The following NKAIN2 variants were observed in gnomAD, a reference collection of about 807,000 sequenced individuals.
The protein encoded by NKAIN2 is sodium/potassium transporting ATPase interacting 2, also known as sodium/potassium-transporting ATPase subunit beta-1-interacting protein 2.
NKAIN2 carries 14 observed loss-of-function variants against 32.6 expected under a neutral mutation model. The observed-to-expected ratio is 0.43, with a 90% CI of 0.28 to 0.67. NKAIN2 has a LOEUF of 0.67. NKAIN2 is among the 30% of genes least tolerant of loss of function. The pLI is 0.17. For missense variants in NKAIN2, 198 were observed against 258.3 expected (o/e 0.77, Z 1.60); for synonymous variants, 80 against 87.2 (o/e 0.92, Z 0.46).
At chr6:124,067,790 G>A (rs1353407133) in intron 1 of NKAIN2, among the ~76,000 whole-genome samples, 1 of 152,144 alleles carries the variant, frequency 6.6e-6, no homozygotes, top group Non-Finnish European at 1.5e-5. Flanking sequence ...CAAGAATGAT[G>A]ACTTCACAGG....
At chr6:124,220,468 T>G (rs199517507) in intron 1 of NKAIN2, among the ~76,000 whole-genome samples, 2 of 140,550 alleles carry the variant, frequency 1.4e-5, no homozygotes, top group East Asian at 2.1e-4. Context: ...TCCCTTTTTT[T>G]GGGGCCATTT....
intron 3 of NKAIN2, among the ~76,000 whole-genome samples, chr6:124,382,293 T>C (rs1772680682): frequency 1.3e-5 from 2 of 151,646 alleles, no homozygotes; most frequent in Non-Finnish European, 2.9e-5. Context: ...AAAGGAGAAA[T>C]TGATTTATGA....
At chr6:124,718,560 C>T (rs1458205315) in intron 4 of NKAIN2, among the ~76,000 whole-genome samples, 1 of 152,030 alleles carries the variant, frequency 6.6e-6, no homozygotes, top group Non-Finnish European at 1.5e-5. Context: ...ACTTTTTGTT[C>T]ATTGTCTTTT....
intron 4 of NKAIN2, among the ~76,000 whole-genome samples, chr6:124,737,481 G>A (rs1246676180): frequency 6.6e-6 from 1 of 151,772 alleles, no homozygotes; most frequent in African/African-American, 2.4e-5. Context: ...AAACTACCCA[G>A]TCTTGACTAT....
At position 123,803,894 on chromosome 6, in the gene NKAIN2, G is replaced by GGCTGCCGCT. The variant is rs1435285968; in HGVS notation, c.-300_-292dup. Among the ~76,000 whole-genome samples the GGCTGCCGCT allele has an allele frequency of 1.3e-5, 2 of 148,212 alleles. No homozygotes were observed. The highest frequency in any genetic ancestry group is 1.5e-5 in the Non-Finnish European group (1 of 66,564). ...GCCCGAGGGCGCGGCGGCGCTGCCAGGCTGCCGCTGCTGCCCCTGCGGGCC... is the reference window on the plus strand; with the variant it reads ...GCCCGAGGGCGCGGCGGCGCTGCCAGGCTGCCGCTGCTGCCGCTGCTGCCCCTGCGGGCC... On this transcript the variant is annotated 5_prime_UTR_variant, in exon 1 of 7. Coordinates refer to ENST00000368417, the MANE Select transcript of NKAIN2 (RefSeq NM_001040214.3).
At chr6:124,155,213 T>C (rs802260) in intron 1 of NKAIN2, among the ~76,000 whole-genome samples, 132,167 of 152,140 alleles carry the variant, frequency 0.87, 57,701 homozygotes, top group South Asian at 0.94. Context: ...TACAAAATTA[T>C]ATCTAGATGG....
At chr6:124,509,014 G>T (rs908143955) in intron 3 of NKAIN2, among the ~76,000 whole-genome samples, 1 of 152,184 alleles carries the variant, frequency 6.6e-6, no homozygotes, top group South Asian at 2.1e-4. Flanking sequence ...TATAAATAAG[G>T]TTACATTATG....
chr6:124,629,011 G>A (rs909230929), intron 3 of NKAIN2, among the ~76,000 whole-genome samples: 3 of 152,046 alleles, frequency 2.0e-5, no homozygotes, highest in Admixed American at 6.6e-5. Flanking sequence ...GTGCCCAGTC[G>A]TTTTTGCACT....
intron 3 of NKAIN2, among the ~76,000 whole-genome samples, chr6:124,647,740 G>C (rs997294089): frequency 1.3e-5 from 2 of 152,000 alleles, no homozygotes; most frequent in African/African-American, 4.8e-5. Flanking sequence ...TGCAAAAACA[G>C]AAACTAGAAA....
At chr6:124,118,575 G>A (rs1012868739) in intron 1 of NKAIN2, among the ~76,000 whole-genome samples, 1 of 152,070 alleles carries the variant, frequency 6.6e-6, no homozygotes, top group Non-Finnish European at 1.5e-5. Context: ...CCTCTCCAGT[G>A]AGTACAATAA....
At chr6:124,475,203 A>T (rs1777150446) in intron 3 of NKAIN2, among the ~76,000 whole-genome samples, 1 of 152,072 alleles carries the variant, frequency 6.6e-6, no homozygotes, top group Admixed American at 6.6e-5. Context: ...TAACATAGGC[A>T]TTGATCTTTT....
chr6:124,028,845 ATATGTGTGTGTC>A (rs1781254863), intron 1 of NKAIN2, among the ~76,000 whole-genome samples: 1 of 141,064 alleles, frequency 7.1e-6, no homozygotes, highest in East Asian at 2.0e-4. Context: ...ATATATGTAT[ATATGTGTGTGTC>A]TATATATACA....
At chr6:123,838,556 T>C (rs895761624) in intron 1 of NKAIN2, among the ~76,000 whole-genome samples, 1 of 152,290 alleles carries the variant, frequency 6.6e-6, no homozygotes, top group Admixed American at 6.5e-5. Context: ...GGAAAAAAAG[T>C]GATACTGTAA....
At chr6:124,687,190 T>C (rs976032955) in intron 4 of NKAIN2, among the ~76,000 whole-genome samples, 1 of 147,352 alleles carries the variant, frequency 6.8e-6, no homozygotes, top group African/African-American at 2.5e-5. Context: ...TATACATATA[T>C]ACATATGGAA....
At chr6:124,452,677 AAACTT>A (rs556329163) in intron 3 of NKAIN2, among the ~76,000 whole-genome samples, 10 of 152,254 alleles carry the variant, frequency 6.6e-5, no homozygotes, top group African/African-American at 2.2e-4. Flanking sequence ...AACTCAAAGA[AAACTT>A]AACCTTTAGA....
At chr6:124,556,905 T>C (rs951055780) in intron 3 of NKAIN2, among the ~76,000 whole-genome samples, 1 of 152,172 alleles carries the variant, frequency 6.6e-6, no homozygotes, top group African/African-American at 2.4e-5. Context: ...ACAAATTAAA[T>C]CCCTATTTAA....
At chr6:124,738,793 A>T (rs1331509442) in intron 4 of NKAIN2, among the ~76,000 whole-genome samples, 2 of 151,896 alleles carry the variant, frequency 1.3e-5, no homozygotes, top group East Asian at 1.9e-4. Context: ...TTCATCATAA[A>T]ATAGAGCTCA....
intron 1 of NKAIN2, among the ~76,000 whole-genome samples, chr6:123,813,113 T>C (rs1383453361): frequency 6.6e-6 from 1 of 152,236 alleles, no homozygotes; most frequent in African/African-American, 2.4e-5. Context: ...ATTTGTATTA[T>C]AGTCTCTGAC....
rs557586943 is a variant in NKAIN2 at position 123,884,741 on chromosome 6, G to A, written c.54+80487G>A. ...CAAACACTTCATGTCCACTGGTCATGATACTAGATAAAACTTTCATTCAAC... is the reference window on the plus strand; with the variant it reads ...CAAACACTTCATGTCCACTGGTCATAATACTAGATAAAACTTTCATTCAAC... On this transcript the variant is annotated intron_variant, in intron 1 of 6. Coordinates refer to ENST00000368417, the MANE Select transcript of NKAIN2 (RefSeq NM_001040214.3). 5.3e-4 allele frequency among the ~76,000 whole-genome samples: 81 copies of A among 152,038 alleles called. 1 individual carries two copies. Among genetic ancestry groups the A allele is most frequent in the African/African-American group, 1.9e-3 (78 of 41,486 alleles).
Sources: allele counts gnomAD v4.1 joint callset (sites outside exome capture counted in the v4.1 genomes callset), GRCh38; gene constraint gnomAD v4.1.1; transcripts MANE v1.5; gene names NCBI Gene and HGNC (gene_info 2026-07-23, HGNC 2026-07-21).